Variants in SH3RF3 observed in about 807,000 individuals in gnomAD.
The protein encoded by SH3RF3 is SH3 domain containing ring finger 3, also known as E3 ubiquitin-protein ligase SH3RF3.
Under a neutral mutation model 66.3 loss-of-function variants are expected in SH3RF3, and 29 were observed. That is an observed-to-expected ratio of 0.44 (90% CI 0.33 to 0.60). The LOEUF (loss-of-function observed/expected upper bound fraction) is 0.60. SH3RF3 is among the 20% of genes least tolerant of loss of function. The pLI is 0.04. For missense variants in SH3RF3, 1,194 were observed against 1,190.9 expected, an observed-to-expected ratio of 1.00 and a Z score of -0.04; for synonymous variants, 583 against 532.0, an observed-to-expected ratio of 1.10 and a Z score of -1.32.
chr2:109,423,694 C>A (rs1676944960), intron 5 of SH3RF3, among the ~76,000 whole-genome samples: 1 of 152,232 alleles, frequency 6.6e-6, no homozygotes, highest in African/African-American at 2.4e-5. Context: ...AGCCGCCCAG[C>A]CTCCTTTGAC....
At chr2:109,149,677 C>T (rs561058802) in intron 1 of SH3RF3, among the ~76,000 whole-genome samples, 7 of 152,284 alleles carry the variant, frequency 4.6e-5, no homozygotes, top group Admixed American at 2.0e-4. Context: ...GCAGCAGCAA[C>T]GTTGCAGAGA....
intron 1 of SH3RF3, among the ~76,000 whole-genome samples, chr2:109,193,370 G>A (rs1208300841): frequency 4.6e-5 from 7 of 152,208 alleles, no homozygotes; most frequent in African/African-American, 1.2e-4. Context: ...AACATATAAT[G>A]TGTAGCCATC....
rs1013776427 is a variant in SH3RF3 at position 109,202,402 on chromosome 2, C to T, written c.573+72289C>T. Among the ~76,000 whole-genome samples, 7 of 152,248 alleles carry T rather than the reference C, an allele frequency of 4.6e-5. No homozygotes were observed. In the South Asian group the frequency reaches 1.5e-3, roughly 32 times the overall value. The stretch of plus-strand genomic sequence containing the variant: ...TTTTGTGAAGGGACACCTAATTGCC[C>T]GAACTTAATTGTACTTTTTAGTACA... On this transcript the variant is annotated intron_variant, in intron 1 of 9. Transcript: ENST00000309415.
At chr2:109,149,236 T>C (rs1276167081) in intron 1 of SH3RF3, among the ~76,000 whole-genome samples, 1 of 152,092 alleles carries the variant, frequency 6.6e-6, no homozygotes, top group Non-Finnish European at 1.5e-5. Context: ...CGGACTTCTC[T>C]AGTCAGACAC....
chr2:109,339,195 C>T (rs943387876), intron 1 of SH3RF3, among the ~76,000 whole-genome samples: 4 of 142,404 alleles, frequency 2.8e-5, no homozygotes, highest in African/African-American at 1.1e-4. Context: ...GAGGCACACT[C>T]GGTATAACTT....
intron 1 of SH3RF3, among the ~76,000 whole-genome samples, chr2:109,268,472 C>T (rs1680551606): frequency 6.6e-6 from 1 of 152,122 alleles, no homozygotes; most frequent in African/African-American, 2.4e-5. Flanking sequence ...TGCAGCAGCT[C>T]CTTTCTCCCC....
In SH3RF3 at chr2:109,318,397, C is replaced by T. The variant is rs930639957; in HGVS notation, c.574-29277C>T. 7.9e-5 allele frequency among the ~76,000 whole-genome samples: 12 copies of T among 152,190 alleles called. No individual in the cohort carries two copies. The South Asian group carries it at 1.7e-3, about 21-fold the overall frequency. ...CAGACCTGGGGTGAGGAAGAAATGC[C>T]GCCGAGCGCCAGAAGATTAGGAGGG... is the stretch of plus-strand genomic sequence containing the variant. On this transcript the variant is annotated intron_variant, in intron 1 of 9. Transcript: ENST00000309415.
chr2:109,290,925 T>G (rs1420076791), intron 1 of SH3RF3, among the ~76,000 whole-genome samples: 1 of 152,276 alleles, frequency 6.6e-6, no homozygotes, highest in Non-Finnish European at 1.5e-5. Context: ...TCGTTGAGAA[T>G]AGCTGCTTTT....
At chr2:109,273,823 G>A (rs915835382) in intron 1 of SH3RF3, among the ~76,000 whole-genome samples, 5 of 152,112 alleles carry the variant, frequency 3.3e-5, no homozygotes, top group African/African-American at 1.2e-4. Context: ...ACCAGGCTCA[G>A]CATACATGCT....
chr2:109,396,553 C>T (rs1676151031), intron 3 of SH3RF3, among the ~76,000 whole-genome samples: 1 of 152,186 alleles, frequency 6.6e-6, no homozygotes, highest in Admixed American at 6.5e-5. Context: ...AGCAGGGCTT[C>T]TGGGTTTTTT....
chr2:109,266,185 GTGTGTGT>G (rs1386428669), intron 1 of SH3RF3, among the ~76,000 whole-genome samples: 6 of 151,672 alleles, frequency 4.0e-5, no homozygotes, highest in Admixed American at 1.3e-4. Flanking sequence ...GTGCGTGCAT[GTGTGTGT>G]TGTGTGTTGT....
chr2:109,139,444 A>G (rs948606414), intron 1 of SH3RF3, among the ~76,000 whole-genome samples: 2 of 152,216 alleles, frequency 1.3e-5, no homozygotes, highest in East Asian at 1.9e-4. Context: ...CACTCCTAAT[A>G]GGAAGACAAC....
At chr2:109,466,909 GTGTC>G (rs1329260650) in intron 8 of SH3RF3, among the ~76,000 whole-genome samples, 1 of 152,060 alleles carries the variant, frequency 6.6e-6, no homozygotes, top group African/African-American at 2.4e-5. Context: ...TTGTGTATGT[GTGTC>G]TATATGTGTA....
At chr2:109,234,579 G>A (rs151187589) in intron 1 of SH3RF3, among the ~76,000 whole-genome samples, 16 of 152,300 alleles carry the variant, frequency 1.1e-4, no homozygotes, top group African/African-American at 3.4e-4. Context: ...GGCTGCCCTC[G>A]TTGACAGCTG....
intron 1 of SH3RF3, among the ~76,000 whole-genome samples, chr2:109,132,983 T>C (rs1676731759): frequency 6.6e-6 from 1 of 152,256 alleles, no homozygotes; most frequent in Non-Finnish European, 1.5e-5. Flanking sequence ...CCTTGACTTA[T>C]ATTTGAGCCT....
At chr2:109,372,676 C>T (rs944123966) in intron 3 of SH3RF3, among the ~76,000 whole-genome samples, 9 of 152,202 alleles carry the variant, frequency 5.9e-5, no homozygotes, top group Non-Finnish European at 1.5e-5. Context: ...GGCCTCTTGG[C>T]CCTAGACTCA....
At chr2:109,372,663 G>A (rs368443105) in intron 3 of SH3RF3, among the ~76,000 whole-genome samples, 2 of 152,214 alleles carry the variant, frequency 1.3e-5, no homozygotes, top group African/African-American at 2.4e-5. Flanking sequence ...AGGTTTCAGC[G>A]CGGGCCTCTT....
chr2:109,214,130 C>G (rs1050272145), intron 1 of SH3RF3, among the ~76,000 whole-genome samples: 6 of 152,102 alleles, frequency 3.9e-5, no homozygotes, highest in African/African-American at 1.4e-4. Flanking sequence ...GCCGGGTGCC[C>G]CCATGCTGCG....
chr2:109,442,564 A>G (rs559514205), intron 7 of SH3RF3, among the ~76,000 whole-genome samples: 16 of 152,314 alleles, frequency 1.1e-4, no homozygotes, highest in African/African-American at 2.9e-4. Flanking sequence ...AAAATGTACA[A>G]TAAACAAAAA....
Sources: allele counts gnomAD v4.1 joint callset (sites outside exome capture counted in the v4.1 genomes callset), GRCh38; gene constraint gnomAD v4.1.1; transcripts MANE v1.5; gene names NCBI Gene and HGNC (gene_info 2026-07-23, HGNC 2026-07-21).